Variants in NTM observed in about 807,000 individuals in gnomAD.
NTM encodes the protein IgLON family member 2.
A neutral mutation model predicts 42.1 loss-of-function variants in NTM; 13 were observed. The observed-to-expected ratio is 0.31, with a 90% CI of 0.20 to 0.49. The LOEUF is 0.49. Among genes scored for constraint, NTM ranks in the 20% least tolerant of loss-of-function variants. The pLI is 0.99. For synonymous variants in NTM, 187 were observed against 179.2 expected (o/e 1.04, Z -0.35); for missense variants, 373 against 452.8 (o/e 0.82, Z 1.60).
intron 1 of NTM, among the ~76,000 whole-genome samples, chr11:131,507,558 A>G (rs907033302): frequency 5.3e-5 from 8 of 151,818 alleles, no homozygotes; most frequent in African/African-American, 9.7e-5. Context: ...TTGGTTCCGT[A>G]TGAACTTTAA....
intron 1 of NTM, among the ~76,000 whole-genome samples, chr11:131,787,308 ATACT>A (rs2089392449): frequency 6.7e-6 from 1 of 150,108 alleles, no homozygotes; most frequent in South Asian, 2.1e-4. Context: ...AAAAATGAAA[ATACT>A]TCACAGTATT....
rs145503534 is a variant in NTM at position 131,387,824 on chromosome 11, C to T, written c.82+16936C>T. 6.1e-3 allele frequency among the ~76,000 whole-genome samples: 925 copies of T among 151,990 alleles called. 8 individuals carry two copies. Among genetic ancestry groups the T allele is most frequent in the African/African-American group, 0.021 (878 of 41,484 alleles). On this transcript the variant is annotated intron_variant, in intron 1 of 8. Transcript: ENST00000683400. ...CTCCCCCCTTAAAAAAAAAGGAGAA[C>T]AAAAGTTTGTCAAGACTGACTCCAA...
At chr11:132,159,727 A>G (rs1335803236) in intron 3 of NTM, among the ~76,000 whole-genome samples, 1 of 152,162 alleles carries the variant, frequency 6.6e-6, no homozygotes, top group East Asian at 1.9e-4. Context: ...AAAAAAAAGA[A>G]GAGTGGAGAC....
chr11:131,888,539 C>T (rs537487656), intron 1 of NTM, among the ~76,000 whole-genome samples: 5 of 152,192 alleles, frequency 3.3e-5, no homozygotes, highest in Non-Finnish European at 5.9e-5. Flanking sequence ...TGCAGCATCC[C>T]GAGACAGGTC....
intron 7 of NTM, among the ~76,000 whole-genome samples, chr11:132,321,195 A>G (rs2095560866): frequency 6.6e-6 from 1 of 152,240 alleles, no homozygotes; most frequent in South Asian, 2.1e-4. Flanking sequence ...TGACGAGCTG[A>G]GAGAAGACAG....
intron 1 of NTM, chr11:131,535,902 G>C (rs2052113952): frequency 6.6e-6 from 1 of 152,196 alleles, no homozygotes; most frequent in Non-Finnish European, 1.5e-5. Context: ...CTGGCATATA[G>C]GTCTGATATC....
chr11:131,951,850 C>T (rs1354615488), intron 2 of NTM, among the ~76,000 whole-genome samples: 1 of 147,004 alleles, frequency 6.8e-6, no homozygotes, highest in Non-Finnish European at 1.5e-5. Flanking sequence ...AAAAGCCCAA[C>T]GTCCATCCAC....
intron 2 of NTM, among the ~76,000 whole-genome samples, chr11:132,030,370 C>A (rs1168828043): frequency 6.6e-6 from 1 of 152,118 alleles, no homozygotes; most frequent in Non-Finnish European, 1.5e-5. Flanking sequence ...AAACCCAAAC[C>A]AAAACACTGT....
At chr11:132,160,486 A>G (rs943008504) in intron 3 of NTM, among the ~76,000 whole-genome samples, 1 of 152,230 alleles carries the variant, frequency 6.6e-6, no homozygotes, top group African/African-American at 2.4e-5. Flanking sequence ...TATAGCAATC[A>G]TCTTTTCTTC....
At chr11:132,248,976 A>G (rs1566575217) in intron 4 of NTM, among the ~76,000 whole-genome samples, 1 of 152,024 alleles carries the variant, frequency 6.6e-6, no homozygotes, top group Non-Finnish European at 1.5e-5. Flanking sequence ...TCCCATACCA[A>G]CTCTGCAGCC....
chr11:131,740,624 TG>T (rs2081061704), intron 1 of NTM, among the ~76,000 whole-genome samples: 1 of 152,112 alleles, frequency 6.6e-6, no homozygotes. Context: ...TCTCTGTCTC[TG>T]TCTGGGGTTT....
In NTM at chr11:131,388,898, G is replaced by T. The variant is rs544617911; in HGVS notation, c.82+18010G>T. On this transcript the variant is annotated intron_variant, in intron 1 of 8. Transcript: ENST00000683400. ...ATGGTGGCACGTGCCTGTAATCCCA[G>T]CTAATTGGGAGGCTGAGGCAGGAGA... is the stretch of plus-strand genomic sequence containing the variant. Among the ~76,000 whole-genome samples the T allele has an allele frequency of 6.6e-5, 10 of 151,500 alleles. No individual in the cohort carries two copies. The South Asian group carries it at 2.1e-3, about 32-fold the overall frequency.
At chr11:131,657,756 A>T (rs1402946023) in intron 1 of NTM, among the ~76,000 whole-genome samples, 1 of 152,240 alleles carries the variant, frequency 6.6e-6, no homozygotes, top group African/African-American at 2.4e-5. Context: ...TTCCACATTC[A>T]CAAAGGTCTG....
At chr11:132,278,222 C>G (rs2093810422) in intron 4 of NTM, among the ~76,000 whole-genome samples, 1 of 152,228 alleles carries the variant, frequency 6.6e-6, no homozygotes, top group Non-Finnish European at 1.5e-5. Context: ...AAACCACCCC[C>G]AAGCTTTGCT....
At chr11:132,268,313 C>A (rs1484687932) in intron 4 of NTM, among the ~76,000 whole-genome samples, 1 of 152,156 alleles carries the variant, frequency 6.6e-6, no homozygotes, top group African/African-American at 2.4e-5. Context: ...ACTCTGCTAG[C>A]TACGTATACA....
chr11:131,647,103 A>G (rs939252877), intron 1 of NTM, among the ~76,000 whole-genome samples: 1 of 152,176 alleles, frequency 6.6e-6, no homozygotes, highest in African/African-American at 2.4e-5. Context: ...AACTCATCTT[A>G]AATCCCACAC....
intron 2 of NTM, among the ~76,000 whole-genome samples, chr11:132,085,489 G>A (rs901004795): frequency 6.6e-6 from 1 of 152,200 alleles, no homozygotes; most frequent in East Asian, 1.9e-4. Flanking sequence ...AGCAAACCTA[G>A]TATCTGACCC....
intron 1 of NTM, among the ~76,000 whole-genome samples, chr11:131,451,201 C>A (rs529737875): frequency 2.2e-3 from 340 of 152,268 alleles, no homozygotes; most frequent in African/African-American, 6.8e-3. Flanking sequence ...GGACCACCAA[C>A]TCTATGCCTA....
At chr11:131,690,969 G>A (rs562843922) in intron 1 of NTM, among the ~76,000 whole-genome samples, 2 of 152,310 alleles carry the variant, frequency 1.3e-5, no homozygotes, top group Admixed American at 6.5e-5. Flanking sequence ...AATCCTCAGC[G>A]AGGGCCCTTG....
Sources: allele counts gnomAD v4.1 joint callset (sites outside exome capture counted in the v4.1 genomes callset), GRCh38; gene constraint gnomAD v4.1.1; transcripts MANE v1.5; gene names NCBI Gene and HGNC (gene_info 2026-07-23, HGNC 2026-07-21).